The following CPM variants were observed in gnomAD, a reference collection of about 807,000 sequenced individuals.
CPM encodes renal carboxypeptidase.
Under a neutral mutation model 46.4 loss-of-function variants are expected in CPM, and 35 were observed. The observed-to-expected ratio is 0.75, with a 90% CI of 0.58 to 1.00. The LOEUF (loss-of-function observed/expected upper bound fraction) is 1.00, where lower values mean the gene tolerates loss of function less well. CPM is among the 50% of genes least tolerant of loss of function. The pLI is 0.00. For synonymous variants in CPM, 195 were observed against 195.3 expected (o/e 1.00, Z 0.01); for missense variants, 422 against 530.4 (o/e 0.80, Z 2.01).
At chr12:68,931,078 T>A (rs901405789) in intron 2 of CPM, among the ~76,000 whole-genome samples, 2 of 152,220 alleles carry the variant, frequency 1.3e-5, no homozygotes, top group African/African-American at 4.8e-5. Flanking sequence ...CCAACCTCTA[T>A]AATTTTGGAT....
downstream of CPM, chr12:68,847,051 A>G (rs1243080007): frequency 6.7e-6 from 1 of 149,956 alleles, no homozygotes; most frequent in Non-Finnish European, 1.5e-5. Context: ...AGTGGCGCAA[A>G]CATGACTCAC....
intron 2 of CPM, among the ~76,000 whole-genome samples, chr12:68,913,375 T>G (rs1481718897): frequency 1.6e-4 from 25 of 152,174 alleles, no homozygotes; most frequent in Non-Finnish European, 2.9e-5. Flanking sequence ...TAACTCTGTC[T>G]GCCCAGAGCA....
chr12:68,961,966 C>A (rs901873383), intron 1 of CPM, among the ~76,000 whole-genome samples: 1 of 151,870 alleles, frequency 6.6e-6, no homozygotes, highest in Admixed American at 6.6e-5. Flanking sequence ...TTTGGGAGGC[C>A]AAGGCGGGCG....
chr12:68,935,138 G>A (rs967014810), upstream of CPM, among the ~76,000 whole-genome samples: 2 of 152,114 alleles, frequency 1.3e-5, no homozygotes, highest in African/African-American at 4.8e-5. Flanking sequence ...TGGAACTCCC[G>A]ACCTCGGGCG....
chr12:68,882,811 T>C (rs1232653125), intron 3 of CPM, among the ~76,000 whole-genome samples: 2 of 152,220 alleles, frequency 1.3e-5, no homozygotes, highest in Non-Finnish European at 2.9e-5. Flanking sequence ...CTCTGATCAT[T>C]AGTGTTGTTA....
At chr12:68,953,746 C>T (rs890940352) in intron 1 of CPM, among the ~76,000 whole-genome samples, 4 of 152,206 alleles carry the variant, frequency 2.6e-5, no homozygotes, top group Admixed American at 2.6e-4. Context: ...GGCACAGCCT[C>T]TTCTGTTTAC....
At chr12:68,892,292 G>A (rs912737525) in intron 2 of CPM, among the ~76,000 whole-genome samples, 18 of 152,224 alleles carry the variant, frequency 1.2e-4, no homozygotes, top group African/African-American at 4.1e-4. Flanking sequence ...TGAGGTTATT[G>A]TCTGTCTCCC....
At chr12:68,922,990 C>A (rs892795827) in intron 2 of CPM, among the ~76,000 whole-genome samples, 1 of 152,014 alleles carries the variant, frequency 6.6e-6, no homozygotes, top group African/African-American at 2.4e-5. Flanking sequence ...TTCACAGGTG[C>A]GATCATAGTG....
intron 3 of CPM, among the ~76,000 whole-genome samples, chr12:68,882,030 T>G (rs999904842): frequency 4.2e-4 from 63 of 151,172 alleles, no homozygotes; most frequent in African/African-American, 1.5e-3. Context: ...CCTGCTTTTT[T>G]TTTTTTTTTT....
intron 3 of CPM, among the ~76,000 whole-genome samples, chr12:68,872,832 T>C (rs1010122300): frequency 2.6e-5 from 4 of 152,014 alleles, no homozygotes; most frequent in Non-Finnish European, 4.4e-5. Flanking sequence ...TCTAGATATA[T>C]ATTTCTAATA....
At chr12:68,930,333 C>T (rs1348270453) in intron 2 of CPM, among the ~76,000 whole-genome samples, 10 of 152,244 alleles carry the variant, frequency 6.6e-5, no homozygotes, top group African/African-American at 2.2e-4. Context: ...CCTCCCGCCT[C>T]GGCCTCCCAA....
chr12:68,895,686 A>C (rs1886843652), intron 2 of CPM, among the ~76,000 whole-genome samples: 1 of 152,134 alleles, frequency 6.6e-6, no homozygotes. Context: ...AAATCTTAGA[A>C]AATGTGTTTT....
At chr12:68,913,365 T>C (rs1044309828) in intron 2 of CPM, among the ~76,000 whole-genome samples, 8 of 152,064 alleles carry the variant, frequency 5.3e-5, no homozygotes, top group African/African-American at 1.9e-4. Context: ...ATAGTTGGAG[T>C]AACTCTGTCT....
chr12:68,927,547 G>T (rs540129012), intron 2 of CPM, among the ~76,000 whole-genome samples: 61 of 152,086 alleles, frequency 4.0e-4, no homozygotes, highest in Non-Finnish European at 7.9e-4. Context: ...TTCTTTTGCT[G>T]TGCAGAAGCT....
At chr12:68,921,882 T>A (rs913981541) in intron 2 of CPM, among the ~76,000 whole-genome samples, 1 of 152,180 alleles carries the variant, frequency 6.6e-6, no homozygotes, top group South Asian at 2.1e-4. Flanking sequence ...AAAATGTACA[T>A]CCTATATACT....
chr12:68,923,894 C>T (rs1888141379), intron 2 of CPM, among the ~76,000 whole-genome samples: 1 of 151,620 alleles, frequency 6.6e-6, no homozygotes, highest in Non-Finnish European at 1.5e-5. Context: ...ATAGTGGCAT[C>T]CCTGAAAAGT....
chr12:68,909,339 C>A (rs1185432901), intron 2 of CPM, among the ~76,000 whole-genome samples: 1 of 152,188 alleles, frequency 6.6e-6, no homozygotes, highest in Non-Finnish European at 1.5e-5. Flanking sequence ...AGGTGTGTAC[C>A]ACCATGCTCA....
At position 68,870,204 on chromosome 12, in the gene CPM, C is replaced by T. The variant is rs771213436; in HGVS notation, c.616+11G>A. ...ACTTAAGAAGCCAGAACTGGACCCG[C>T]ACCTGCTTACCTTGAACACCATTAT... On this transcript the variant is annotated intron_variant, in intron 5 of 8. Coordinates refer to ENST00000551568, the MANE Select transcript of CPM (RefSeq NM_198320.5). The T allele has an allele frequency of 9.9e-6, 16 of 1,610,122 alleles. No individual in the cohort carries two copies. In the South Asian group the frequency reaches 1.4e-4, roughly 14 times the overall value.
At chr12:68,898,850 C>G (rs1158913873) in intron 2 of CPM, among the ~76,000 whole-genome samples, 1 of 152,194 alleles carries the variant, frequency 6.6e-6, no homozygotes, top group East Asian at 1.9e-4. Flanking sequence ...ATTAACGGTA[C>G]TTACCCTCAT....
Sources: gnomAD v4.1 joint callset for allele counts (sites outside exome capture counted in the v4.1 genomes callset) on GRCh38, gnomAD v4.1.1 for gene constraint, MANE v1.5 for transcripts, NCBI Gene and HGNC (gene_info 2026-07-23, HGNC 2026-07-21) for gene names.